Variants in HPGDS observed in about 807,000 individuals in gnomAD.
HPGDS encodes GST class-sigma.
In HPGDS, 26 loss-of-function variants were observed where a neutral mutation model predicts 23.1. The ratio of observed to expected loss-of-function variants is 1.13; its 90% CI spans 0.83 to 1.56. The LOEUF (loss-of-function observed/expected upper bound fraction) is 1.56. Among genes scored for constraint, HPGDS ranks in the 40% most tolerant of loss-of-function variants. HPGDS has a pLI of 0.00. For synonymous variants in HPGDS, 95 were observed against 77.9 expected (o/e 1.22, Z -1.16); for missense variants, 268 against 236.4 (o/e 1.13, Z -0.88).
intron 3 of HPGDS, among the ~76,000 whole-genome samples, chr4:94,311,898 T>A (rs1416118137): frequency 6.6e-6 from 1 of 151,690 alleles, no homozygotes; most frequent in Non-Finnish European, 1.5e-5. Context: ...TGTATCCATT[T>A]CTTCTAGATT....
At chr4:94,303,989 A>G (rs1560583653) in intron 4 of HPGDS, 2 of 151,830 alleles carry the variant, frequency 1.3e-5, no homozygotes, top group Admixed American at 1.3e-4. Flanking sequence ...ACAATCAACC[A>G]AAATAACATA....
chr4:94,321,063 A>G (rs1756497702), intron 2 of HPGDS, among the ~76,000 whole-genome samples: 1 of 152,194 alleles, frequency 6.6e-6, no homozygotes, highest in Non-Finnish European at 1.5e-5. Context: ...GTCAAAGATC[A>G]GATGGTTGTA....
chr4:94,322,160 G>T (rs1022301554), intron 2 of HPGDS, among the ~76,000 whole-genome samples: 1 of 152,142 alleles, frequency 6.6e-6, no homozygotes, highest in African/African-American at 2.4e-5. Flanking sequence ...GCTGGATTCG[G>T]TTTGCCAGTA....
At chr4:94,324,424 T>C (rs1051714559) in intron 2 of HPGDS, among the ~76,000 whole-genome samples, 1 of 152,180 alleles carries the variant, frequency 6.6e-6, no homozygotes, top group African/African-American at 2.4e-5. Context: ...TCTTTTCACA[T>C]AGTCGCATGT....
chr4:94,317,997 AT>A, intron 2 of HPGDS, 32 bp from the exon 3 acceptor site: 1 of 1,267,942 alleles, frequency 7.9e-7, no homozygotes, highest in African/African-American at 1.5e-5. Flanking sequence ...AATTAACTTC[AT>A]AACAAAACCA....
chr4:94,322,261 G>T (rs924487712), intron 2 of HPGDS, among the ~76,000 whole-genome samples: 8 of 152,072 alleles, frequency 5.3e-5, no homozygotes, highest in Non-Finnish European at 1.0e-4. Context: ...TGGTATCAGG[G>T]TGATGCTGGC....
chr4:94,340,442 C>A (rs1175340290), intron 1 of HPGDS, among the ~76,000 whole-genome samples: 1 of 134,518 alleles, frequency 7.4e-6, no homozygotes, highest in African/African-American at 2.7e-5. Context: ...GGGTTCACGC[C>A]ATTCTCCTGC....
intron 5 of HPGDS, 89 bp downstream of exon 5, chr4:94,302,057 A>G (rs1489720737): frequency 1.3e-6 from 1 of 764,770 alleles, no homozygotes; most frequent in African/African-American, 1.8e-5. Flanking sequence ...TCCCCTCCCT[A>G]TAGGTAACTT....
At chr4:94,303,221 CA>C (rs1329273242) in intron 4 of HPGDS, among the ~76,000 whole-genome samples, 1 of 152,012 alleles carries the variant, frequency 6.6e-6, no homozygotes, top group African/African-American at 2.4e-5. Flanking sequence ...ATACAATTTG[CA>C]AAAGCATCCT....
intron 2 of HPGDS, among the ~76,000 whole-genome samples, chr4:94,320,485 T>A (rs1490745337): frequency 6.6e-6 from 1 of 152,190 alleles, no homozygotes; most frequent in Non-Finnish European, 1.5e-5. Context: ...CTCACCATGG[T>A]TTTGATTTGC....
At chr4:94,313,563 C>G (rs952079446) in intron 3 of HPGDS, among the ~76,000 whole-genome samples, 1 of 152,136 alleles carries the variant, frequency 6.6e-6, no homozygotes, top group Non-Finnish European at 1.5e-5. Flanking sequence ...CTTTGGCTGC[C>G]CTTAACATTT....
At chr4:94,323,369 G>T (rs1165672362) in intron 2 of HPGDS, among the ~76,000 whole-genome samples, 1 of 152,146 alleles carries the variant, frequency 6.6e-6, no homozygotes, top group Non-Finnish European at 1.5e-5. Context: ...AGGTGTTAAA[G>T]TCTCCCATTA....
intron 2 of HPGDS, among the ~76,000 whole-genome samples, chr4:94,318,612 T>A (rs1158983062): frequency 1.3e-5 from 2 of 152,196 alleles, no homozygotes; most frequent in Non-Finnish European, 2.9e-5. Context: ...TTTTCATTTT[T>A]AAAAATTGAT....
intron 2 of HPGDS, among the ~76,000 whole-genome samples, chr4:94,326,541 C>T (rs902780041): frequency 6.6e-6 from 1 of 152,022 alleles, no homozygotes; most frequent in African/African-American, 2.4e-5. Flanking sequence ...AATTCTTTAG[C>T]TCCAGAATTG....
rs115743980 is a variant in HPGDS at position 94,339,055 on chromosome 4, G to A, written c.-10+3740C>T. On this transcript the variant is annotated intron_variant, in intron 1 of 5. Coordinates refer to ENST00000295256, the MANE Select transcript of HPGDS (RefSeq NM_014485.3). ...ATATATAGGACAGACATGACATAGA[G>A]TGAGGACTAAATGGTTCTGAGACTG... 1.9e-3 allele frequency among the ~76,000 whole-genome samples: 296 copies of A among 152,330 alleles called. 2 individuals carry two copies. Among genetic ancestry groups the A allele is most frequent in the African/African-American group, 7.0e-3 (289 of 41,576 alleles).
intron 2 of HPGDS, among the ~76,000 whole-genome samples, chr4:94,327,362 C>T (rs1296949066): frequency 6.6e-6 from 1 of 152,046 alleles, no homozygotes; most frequent in African/African-American, 2.4e-5. Context: ...CTCAGGTCTC[C>T]TGAGAGTGCA....
At position 94,308,675 on chromosome 4, in the gene HPGDS, T is replaced by A. The variant is rs1222267357; in HGVS notation, c.295A>T (p.Met99Leu). 6.2e-7 allele frequency: 1 copy of A among 1,609,584 alleles called. No individual in the cohort carries two copies. Among genetic ancestry groups the A allele is most frequent in the Admixed American group, 1.7e-5 (1 of 59,822 alleles). The change falls in exon 4 of 6, where the codon ATG becomes TTG. Residue 99 changes from methionine (M) to leucine (L), a missense_variant. Transcript: ENST00000295256. ...DAIVDTLDDF[M>L]SCFPWAEKKQ... ...TTCTCTGCCCAAGGAAAACATGACA[T>A]GAAATCATCCAGAGTGTCCACAATA... is the stretch of plus-strand genomic sequence containing the variant.
intron 3 of HPGDS, among the ~76,000 whole-genome samples, chr4:94,310,139 A>T (rs1177555041): frequency 2.0e-5 from 3 of 152,054 alleles, no homozygotes; most frequent in Non-Finnish European, 2.9e-5. Flanking sequence ...GTTTAATTAG[A>T]TCCCATTTGT....
chr4:94,334,805 GA>G (rs1720961193), intron 1 of HPGDS, among the ~76,000 whole-genome samples, 167 bp from the exon 2 acceptor site: 2 of 152,244 alleles, frequency 1.3e-5, no homozygotes, highest in South Asian at 4.1e-4. Context: ...TACATACGGG[GA>G]AACTTGGTTG....
Sources: allele counts gnomAD v4.1 joint callset (sites outside exome capture counted in the v4.1 genomes callset), GRCh38; gene constraint gnomAD v4.1.1; transcripts MANE v1.5; gene names NCBI Gene and HGNC (gene_info 2026-07-23, HGNC 2026-07-21).